CALN1: variants seen among roughly 807,000 people sequenced by gnomAD.
The protein encoded by CALN1 is calneuron 1.
Under a neutral mutation model 30.6 loss-of-function variants are expected in CALN1, and 17 were observed. That is an observed-to-expected ratio of 0.56 (90% CI 0.38 to 0.83). The LOEUF is 0.83. Among genes scored for constraint, CALN1 ranks in the 40% least tolerant of loss-of-function variants. CALN1 has a pLI of 0.00. For missense variants in CALN1, 291 were observed against 354.9 expected, an observed-to-expected ratio of 0.82 and a Z score of 1.45; for synonymous variants, 156 against 131.4, an observed-to-expected ratio of 1.19 and a Z score of -1.28.
In CALN1 at chr7:72,403,298, T is replaced by A. The variant is rs1806469031; in HGVS notation, c.72A>T (p.Gly24=). 1 of 1,550,246 alleles carries A rather than the reference T, an allele frequency of 6.5e-7. No homozygotes were observed. The highest frequency in any genetic ancestry group is 8.7e-7 in the Non-Finnish European group (1 of 1,147,016). The part of the protein sequence containing the change: ...NEKKGDGGAL[G]GGEEPPRSQA... ...GGCTCCTCGGCGGCTCCTCTCCCCC[T>A]CCGAGGGCTCCTCCGTCCCCCTTTT... The change falls in exon 2 of 7, where the codon GGA becomes GGT. Residue 24 remains glycine, a synonymous_variant. Coordinates refer to ENST00000395275, the MANE Select transcript of CALN1 (RefSeq NM_031468.4).
At chr7:71,901,773 C>T (rs573533852) in intron 5 of CALN1, among the ~76,000 whole-genome samples, 3 of 151,912 alleles carry the variant, frequency 2.0e-5, no homozygotes, top group Middle Eastern at 3.2e-3. Flanking sequence ...AACTCAAGAT[C>T]GATTAAAGAC....
At chr7:72,504,220 T>C in the CALN1 span, among the ~76,000 whole-genome samples, 7 of 152,176 alleles carry the variant, frequency 4.6e-5, no homozygotes, top group African/African-American at 1.7e-4. Flanking sequence ...ATAAATCCCA[T>C]GTGTCTTTCA....
rs968847707 is a variant in CALN1 at position 72,321,339 on chromosome 7, A to G, written c.120-42529T>C. 3.9e-5 allele frequency among the ~76,000 whole-genome samples: 6 copies of G among 152,224 alleles called. 1 individual carries two copies. Among genetic ancestry groups the G allele is most frequent in the Admixed American group, 3.9e-4 (6 of 15,280 alleles). ...AAAAGGATCCAACGAAATACAACTT[A>G]TTAGTCATCACGCGTTGAGCACATC... On this transcript the variant is annotated intron_variant, in intron 2 of 6. Coordinates refer to ENST00000395275, the MANE Select transcript of CALN1 (RefSeq NM_031468.4).
chr7:72,501,173 G>A, the CALN1 span, among the ~76,000 whole-genome samples: 1 of 151,758 alleles, frequency 6.6e-6, no homozygotes, highest in South Asian at 2.1e-4. Flanking sequence ...TCAGAAATAA[G>A]TTGGGGTAAC....
chr7:72,083,754 A>G (rs1805306900), intron 4 of CALN1, among the ~76,000 whole-genome samples: 1 of 152,022 alleles, frequency 6.6e-6, no homozygotes, highest in Admixed American at 6.6e-5. Context: ...CCCCCTCTCT[A>G]CTAAAAATAC....
intron 6 of CALN1, among the ~76,000 whole-genome samples, chr7:71,803,593 G>T (rs1243123314): frequency 6.6e-6 from 1 of 152,144 alleles, no homozygotes. Flanking sequence ...TCCTGCCTCA[G>T]CCTCCTGAGT....
chr7:72,357,864 G>A (rs916642381), intron 2 of CALN1, among the ~76,000 whole-genome samples: 4 of 147,950 alleles, frequency 2.7e-5, no homozygotes. Flanking sequence ...TTATATATAT[G>A]TGTGTTTTTT....
intron 1 of CALN1, among the ~76,000 whole-genome samples, chr7:72,434,367 A>C (rs948863991): frequency 1.3e-5 from 2 of 151,582 alleles, no homozygotes; most frequent in Middle Eastern, 3.4e-3. Flanking sequence ...AAAAAACAAA[A>C]AAAAAATAGC....
At chr7:71,911,067 A>G (rs1458667097) in intron 5 of CALN1, among the ~76,000 whole-genome samples, 1 of 152,066 alleles carries the variant, frequency 6.6e-6, no homozygotes, top group African/African-American at 2.4e-5. Context: ...CAAACCCCCA[A>G]ATTCATCAGT....
At chr7:71,868,370 CTTT>C (rs11350119) in intron 5 of CALN1, among the ~76,000 whole-genome samples, 13 of 137,018 alleles carry the variant, frequency 9.5e-5, no homozygotes, top group African/African-American at 2.9e-4. Flanking sequence ...GTGCTACACA[CTTT>C]TTTTTTTTTT....
intron 2 of CALN1, among the ~76,000 whole-genome samples, chr7:72,279,563 G>A (rs1797593093): frequency 1.3e-5 from 2 of 152,186 alleles, no homozygotes; most frequent in Non-Finnish European, 2.9e-5. Context: ...CCTGAACCCA[G>A]ATGGTCATCA....
chr7:71,887,094 G>A (rs1217689639), intron 5 of CALN1, among the ~76,000 whole-genome samples: 1 of 152,156 alleles, frequency 6.6e-6, no homozygotes, highest in Non-Finnish European at 1.5e-5. Flanking sequence ...GAAGGTGTAA[G>A]GAGGATGGCA....
At chr7:72,456,594 G>A in the CALN1 span, among the ~76,000 whole-genome samples, 1 of 151,942 alleles carries the variant, frequency 6.6e-6, no homozygotes, top group Non-Finnish European at 1.5e-5. Flanking sequence ...GCTCATGCCT[G>A]TAGTCCCAGC....
chr7:72,026,159 T>G (rs1320043033), intron 4 of CALN1, among the ~76,000 whole-genome samples: 1 of 152,184 alleles, frequency 6.6e-6, no homozygotes, highest in Non-Finnish European at 1.5e-5. Context: ...AGCACACTAG[T>G]CGATGCTGCC....
intron 5 of CALN1, among the ~76,000 whole-genome samples, chr7:71,826,979 CAG>C (rs1788951236): frequency 6.6e-6 from 1 of 152,156 alleles, no homozygotes; most frequent in Admixed American, 6.5e-5. Context: ...AACAAGGGCT[CAG>C]ATGAAGAAAT....
chr7:72,451,993 A>G (rs930765017), upstream of CALN1, among the ~76,000 whole-genome samples: 1 of 152,224 alleles, frequency 6.6e-6, no homozygotes, highest in East Asian at 1.9e-4. Context: ...AACAAGTGAT[A>G]CCCCCATCTC....
intron 3 of CALN1, among the ~76,000 whole-genome samples, chr7:72,228,720 T>C (rs548935329): frequency 6.6e-6 from 1 of 150,510 alleles, no homozygotes; most frequent in Non-Finnish European, 1.5e-5. Context: ...ACTCCACAAG[T>C]GTTGGCTACC....
intron 4 of CALN1, among the ~76,000 whole-genome samples, chr7:72,042,264 A>T (rs1318623887): frequency 6.6e-6 from 1 of 152,198 alleles, no homozygotes; most frequent in African/African-American, 2.4e-5. Context: ...ATAGTTTGGT[A>T]CAAGTCCTCC....
chr7:72,034,795 C>CAAA lies in CALN1; in HGVS notation c.389-11029_389-11027dup, dbSNP rs57756121. Among the ~76,000 whole-genome samples, 223 of 52,364 alleles carry CAAA rather than the reference C, an allele frequency of 4.3e-3. 13 individuals are homozygous for CAAA. The Middle Eastern group carries it at 0.062, about 15-fold the overall frequency. The allele number at this position is 52,364 out of a possible 152,430, so 34.4% of individuals were successfully genotyped here. A position where few individuals can be genotyped will look rare whatever the true frequency, so the allele number is the denominator to read the frequency against. ...AGAATGACAGAGTGAGACTCTGTCT[C>CAAA]AAAAAAAAAAAAAAAAAAAAAAAAG... On this transcript the variant is annotated intron_variant, in intron 4 of 6. Transcript: ENST00000395275.
Sources: gnomAD v4.1 joint callset for allele counts (sites outside exome capture counted in the v4.1 genomes callset) on GRCh38, gnomAD v4.1.1 for gene constraint, MANE v1.5 for transcripts, NCBI Gene and HGNC (gene_info 2026-07-23, HGNC 2026-07-21) for gene names.